Variants in PARP16 observed in about 807,000 individuals in gnomAD.
PARP16 encodes poly(ADP-ribose) polymerase family member 16.
In PARP16, 31 loss-of-function variants were observed where a neutral mutation model predicts 35.0. The observed-to-expected ratio is 0.88, with a 90% CI of 0.66 to 1.19. PARP16 has a LOEUF of 1.19. PARP16 is among the 50% of genes most tolerant of loss of function. The pLI is 0.00. For missense variants in PARP16, 424 were observed against 411.2 expected (o/e 1.03, Z -0.27); for synonymous variants, 162 against 169.5 (o/e 0.96, Z 0.34).
intron 2 of PARP16, 135 bp downstream of exon 2, chr15:65,270,800 G>C: frequency 1.2e-6 from 1 of 820,554 alleles, no homozygotes; most frequent in South Asian, 1.7e-5. Context: ...AAGTCTAAAG[G>C]TGAGGACCAG....
intron 1 of PARP16, among the ~76,000 whole-genome samples, chr15:65,282,205 G>T (rs984073234): frequency 6.6e-6 from 1 of 152,052 alleles, no homozygotes; most frequent in African/African-American, 2.4e-5. Flanking sequence ...TAAAGACAGG[G>T]TTTCGCCATG....
chr15:65,240,230 C>A (rs2089020275), intron 3 of PARP16, among the ~76,000 whole-genome samples: 1 of 151,778 alleles, frequency 6.6e-6, no homozygotes, highest in Non-Finnish European at 1.5e-5. Context: ...CTCCACCTCC[C>A]GGGTTCACGC....
At chr15:65,278,208 C>T (rs942955406) in intron 1 of PARP16, among the ~76,000 whole-genome samples, 1 of 152,214 alleles carries the variant, frequency 6.6e-6, no homozygotes, top group African/African-American at 2.4e-5. Context: ...GAACTGGTGA[C>T]TCCGGCCTCC....
intron 4 of PARP16, among the ~76,000 whole-genome samples, chr15:65,262,513 G>T (rs1236874593): frequency 6.6e-6 from 1 of 152,180 alleles, no homozygotes; most frequent in Non-Finnish European, 1.5e-5. Context: ...ATGGTGGGGG[G>T]AGACAAGGCA....
rs141624144 is a variant in PARP16 at position 65,263,174 on chromosome 15, G to A, written c.666C>T (p.Asp222=). Residue 222 remains aspartate (D), a synonymous_variant, in exon 4 of 6, where the codon GAC becomes GAT. Transcript: ENST00000649807. The part of the protein sequence containing the change: ...VAVCEVIDHP[D]VKCQTKKKDS... Reference sequence around the variant, plus strand: ...CCTTCTTCTTGGTTTGGCACTTGACGTCCGGATGGTCAATGACCTCACACA... The same window carrying A: ...CCTTCTTCTTGGTTTGGCACTTGACATCCGGATGGTCAATGACCTCACACA... 2.2e-5 allele frequency: 36 copies of A among 1,614,040 alleles called. No homozygotes were observed. In the African/African-American group the frequency reaches 3.3e-4, roughly 15 times the overall value.
downstream of PARP16, among the ~76,000 whole-genome samples, chr15:65,253,697 G>A (rs1301779086): frequency 6.6e-6 from 1 of 151,964 alleles, no homozygotes; most frequent in African/African-American, 2.4e-5. Context: ...TTGTATCTTT[G>A]CACCCCTTTA....
chr15:65,272,265 G>A (rs2090120141), intron 1 of PARP16, among the ~76,000 whole-genome samples: 1 of 152,180 alleles, frequency 6.6e-6, no homozygotes, highest in South Asian at 2.1e-4. Flanking sequence ...TGTCCCGTGG[G>A]ACCTGTGATA....
intron 3 of PARP16, among the ~76,000 whole-genome samples, chr15:65,241,903 A>G (rs1251979261): frequency 1.3e-5 from 2 of 152,124 alleles, no homozygotes; most frequent in Admixed American, 6.5e-5. Flanking sequence ...TTAAATTTTA[A>G]TGAAGTTTAT....
intron 1 of PARP16, among the ~76,000 whole-genome samples, chr15:65,284,811 C>CTTTT (rs35683940): frequency 8.2e-4 from 59 of 72,240 alleles, no homozygotes; most frequent in Non-Finnish European, 9.4e-4. Context: ...AATCCAACGT[C>CTTTT]TTTTTTTTTT....
intron 3 of PARP16, among the ~76,000 whole-genome samples, chr15:65,242,755 G>A (rs186295546): frequency 6.6e-6 from 1 of 152,008 alleles, no homozygotes; most frequent in East Asian, 1.9e-4. Flanking sequence ...TGCTCGGCTG[G>A]CCAGGCTGGA....
intron 1 of PARP16, among the ~76,000 whole-genome samples, chr15:65,275,143 T>C (rs1396823600): frequency 6.6e-6 from 1 of 150,854 alleles, no homozygotes; most frequent in African/African-American, 2.4e-5. Flanking sequence ...TTCACTGTCG[T>C]AACAAAGTTG....
In PARP16 at chr15:65,242,412, G is replaced by A. The variant is rs573012493; in HGVS notation, c.*97+5705C>T. ...TGTTTACTACAAAAAAAAAAAGATT[G>A]CTGCAATTTTGACAGGAATTATTTT... On this transcript the variant is annotated intron_variant and NMD_transcript_variant, in intron 3 of 3. Coordinates refer to the PARP16 transcript ENST00000559805. 3.3e-4 allele frequency among the ~76,000 whole-genome samples: 50 copies of A among 151,694 alleles called. 2 individuals are homozygous for A. The East Asian group carries it at 6.8e-3, about 21-fold the overall frequency.
intron 1 of PARP16, among the ~76,000 whole-genome samples, chr15:65,277,305 A>G (rs905701634): frequency 6.6e-6 from 1 of 152,034 alleles, no homozygotes; most frequent in African/African-American, 2.4e-5. Flanking sequence ...ATTGTATTCT[A>G]TTGTGTTCAG....
intron 2 of PARP16, among the ~76,000 whole-genome samples, chr15:65,251,681 C>G (rs1383456146): frequency 6.6e-6 from 1 of 151,372 alleles, no homozygotes; most frequent in Non-Finnish European, 1.5e-5. Flanking sequence ...ATTATTATAT[C>G]AAAATGAGAT....
intron 1 of PARP16, among the ~76,000 whole-genome samples, chr15:65,285,779 A>G (rs1272768981): frequency 6.6e-6 from 1 of 152,246 alleles, no homozygotes; most frequent in Non-Finnish European, 1.5e-5. Context: ...GAGAAATAAC[A>G]GCTTACATAT....
At chr15:65,275,818 CCTT>C (rs1421115428) in intron 1 of PARP16, among the ~76,000 whole-genome samples, 2 of 152,168 alleles carry the variant, frequency 1.3e-5, no homozygotes, top group Non-Finnish European at 2.9e-5. Flanking sequence ...CATCCCCCTT[CCTT>C]CTTTTCTATT....
At position 65,286,488 on chromosome 15, in the gene PARP16, TC is replaced by T. The variant is rs1164124015; in HGVS notation, c.-63del. 7.8e-7 allele frequency: 1 copy of T among 1,289,518 alleles called. No homozygotes were observed. The highest frequency in any genetic ancestry group is 1.0e-6 in the Non-Finnish European group (1 of 988,476). 79.9% of individuals were successfully genotyped at this position (1,289,518 alleles called of 1,614,324 possible). A position where few individuals can be genotyped will look rare whatever the true frequency, so the allele number is the denominator to read the frequency against. On this transcript the variant is annotated 5_prime_UTR_variant, in exon 1 of 6. Coordinates refer to ENST00000649807, the MANE Select transcript of PARP16 (RefSeq NM_001316943.2). The stretch of plus-strand genomic sequence containing the variant: ...GTTAGGGGCAAGGGCGAGCGTGCGT[TC>T]AGCGCGGGGGCTGGGCCCGCGGACA...
At chr15:65,266,856 C>A (rs1364597272) in intron 2 of PARP16, 88 bp from the exon 3 acceptor site, 5 of 883,234 alleles carry the variant, frequency 5.7e-6, no homozygotes, top group Non-Finnish European at 9.2e-6. Flanking sequence ...AGGCTTAACT[C>A]CCATGGACTC....
At chr15:65,272,916 A>G (rs942722834) in intron 1 of PARP16, among the ~76,000 whole-genome samples, 2 of 152,132 alleles carry the variant, frequency 1.3e-5, no homozygotes, top group African/African-American at 4.8e-5. Context: ...CTCCCCAGAC[A>G]ACACTGTCCT....
Sources: allele counts gnomAD v4.1 joint callset (sites outside exome capture counted in the v4.1 genomes callset), GRCh38; gene constraint gnomAD v4.1.1; transcripts MANE v1.5; gene names NCBI Gene and HGNC (gene_info 2026-07-23, HGNC 2026-07-21).